The following AP3D1 variants were observed in gnomAD, a reference collection of about 807,000 sequenced individuals.
AP3D1 encodes the protein adaptor related protein complex 3 subunit delta 1, also known as AP-3 complex subunit delta-1.
AP3D1 carries 51 observed loss-of-function variants against 147.6 expected under a neutral mutation model. The observed-to-expected ratio is 0.35, with a 90% CI of 0.28 to 0.44. The LOEUF is 0.44. AP3D1 is among the 20% of genes least tolerant of loss of function. The pLI, the probability that AP3D1 is intolerant of heterozygous loss-of-function variation, is 1.00. For synonymous variants in AP3D1, 760 were observed against 663.0 expected, an observed-to-expected ratio of 1.15 and a Z score of -2.25; for missense variants, 1,421 against 1,624.2, an observed-to-expected ratio of 0.87 and a Z score of 2.15.
At chr19:2,147,712 G>T (rs1202011413) in intron 1 of AP3D1, among the ~76,000 whole-genome samples, 1 of 151,090 alleles carries the variant, frequency 6.6e-6, no homozygotes, top group African/African-American at 2.4e-5. Flanking sequence ...TGGCCAACAT[G>T]GGGAAACCCC....
At chr19:2,116,827 A>G in intron 16 of AP3D1, 81 bp from the exon 17 acceptor site, 1 of 1,468,808 alleles carries the variant, frequency 6.8e-7, no homozygotes, top group Non-Finnish European at 9.1e-7. Context: ...CAGGCTCACC[A>G]CGTGCCTGGC....
At chr19:2,137,874 C>G in intron 2 of AP3D1, 67 bp from the exon 3 acceptor site, 2 of 1,432,406 alleles carry the variant, frequency 1.4e-6, no homozygotes, top group Non-Finnish European at 2.0e-6. Context: ...TGAGCCGCGG[C>G]ATCAAGCGCT....
intron 11 of AP3D1, among the ~76,000 whole-genome samples, chr19:2,122,704 C>T (rs570407769): frequency 2.6e-5 from 4 of 152,332 alleles, no homozygotes; most frequent in East Asian, 1.9e-4. Context: ...TTGCAATACC[C>T]GACTGTGGGG....
At chr19:2,154,083 G>A (rs988957449), upstream of AP3D1, among the ~76,000 whole-genome samples, 1 of 151,882 alleles carries the variant, frequency 6.6e-6, no homozygotes, top group African/African-American at 2.4e-5. Flanking sequence ...GAGTAGCTGG[G>A]ATTACAGCTG....
upstream of AP3D1, among the ~76,000 whole-genome samples, chr19:2,153,779 A>G (rs1180171127): frequency 6.6e-6 from 1 of 152,088 alleles, no homozygotes; most frequent in African/African-American, 2.4e-5. Flanking sequence ...ATCGCTGGGT[A>G]ATAGAATATG....
At chr19:2,116,979 C>G in intron 16 of AP3D1, 1 of 800,812 alleles carries the variant, frequency 1.2e-6, no homozygotes, top group Non-Finnish European at 1.9e-6. Context: ...CAGGCTGCCT[C>G]AGAGCTTTAT....
chr19:2,108,828 G>T (rs761866778), intron 30 of AP3D1, 62 bp from the exon 31 acceptor site: 1 of 1,517,842 alleles, frequency 6.6e-7, no homozygotes, highest in East Asian at 2.5e-5. Flanking sequence ...CCCACCCCCA[G>T]AGCAGGGGCC....
chr19:2,162,692 AC>A (rs1342573307), intron 1 of AP3D1, among the ~76,000 whole-genome samples: 1 of 144,742 alleles, frequency 6.9e-6, no homozygotes, highest in Non-Finnish European at 1.5e-5. Flanking sequence ...CAAAAAAAAA[AC>A]CCCAAAAAAC....
rs202019263 is a variant in AP3D1 at position 2,129,057 on chromosome 19, G to A, written c.806+33C>T. ...CTCCGACACTGCACCCCGTGGAGCC[G>A]GCCCGCCCCCACCGCGCATGGCCTG... On this transcript the variant is annotated intron_variant, in intron 8 of 31. Coordinates refer to ENST00000643116, the MANE Select transcript of AP3D1 (RefSeq NM_001261826.3). The A allele has an allele frequency of 2.0e-4, 309 of 1,533,720 alleles. 12 individuals are homozygous for A. The African/African-American group carries it at 3.8e-3, about 19-fold the overall frequency.
At chr19:2,131,725 G>C (rs7255010) in intron 5 of AP3D1, among the ~76,000 whole-genome samples, 1 of 25,890 alleles carries the variant, frequency 3.9e-5, no homozygotes, top group African/African-American at 2.4e-4. Flanking sequence ...AGGCAGCCAC[G>C]CGGGGACCGC....
In AP3D1 at chr19:2,109,612, T is replaced by C. The variant is rs1306815312; in HGVS notation, c.3350+261A>G. ...AGGAGGAGCCTGCCCTGCTGGCTCC[T>C]TGGTCTCACCCCTCCAGCCTTCAGG... On this transcript the variant is annotated intron_variant, in intron 29 of 31. Coordinates refer to ENST00000643116, the MANE Select transcript of AP3D1 (RefSeq NM_001261826.3). 6 of 526,340 alleles carry C rather than the reference T, an allele frequency of 1.1e-5. No homozygotes were observed. In the East Asian group the frequency reaches 1.9e-4, roughly 16 times the overall value. The allele number at this position is 526,340 out of a possible 1,614,324, so 32.6% of individuals were successfully genotyped here. A position where few individuals can be genotyped will look rare whatever the true frequency, so the allele number is the denominator to read the frequency against.
chr19:2,126,757 A>G (rs969737879), intron 9 of AP3D1, among the ~76,000 whole-genome samples: 1 of 152,130 alleles, frequency 6.6e-6, no homozygotes, highest in Non-Finnish European at 1.5e-5. Flanking sequence ...GAGTGCTTTA[A>G]AGTCTCAGAA....
intron 4 of AP3D1, among the ~76,000 whole-genome samples, chr19:2,135,690 C>T (rs2019057660): frequency 6.6e-6 from 1 of 152,178 alleles, no homozygotes; most frequent in African/African-American, 2.4e-5. Flanking sequence ...CAGAGCCGCG[C>T]CCGACACACA....
chr19:2,118,458 C>T lies in AP3D1; in HGVS notation c.1713+143G>A, dbSNP rs993590395. 31 of 829,212 alleles carry T rather than the reference C, an allele frequency of 3.7e-5. No individual in the cohort carries two copies. The African/African-American group carries it at 4.8e-4, about 13-fold the overall frequency. 51.4% of individuals were successfully genotyped at this position (829,212 alleles called of 1,614,324 possible). A position where few individuals can be genotyped will look rare whatever the true frequency, so the allele number is the denominator to read the frequency against. On this transcript the variant is annotated intron_variant, in intron 15 of 31. Transcript: ENST00000643116. ...AGGTCCCACTGACTAACCCCAAACC[C>T]CAGCTGGCACAAGTGGCAACAAAAG...
chr19:2,152,515 C>A (rs1484931261), upstream of AP3D1, among the ~76,000 whole-genome samples: 1 of 143,778 alleles, frequency 7.0e-6, no homozygotes, highest in Non-Finnish European at 1.5e-5. Context: ...TGCACTCCAG[C>A]CTGGCAACAG....
rs368589132 is a variant in AP3D1 at position 2,109,696 on chromosome 19, C to T, written c.3350+177G>A. 372 of 628,560 alleles carry T rather than the reference C, an allele frequency of 5.9e-4. 6 individuals are homozygous for T. Among genetic ancestry groups the T allele is most frequent in the South Asian group, 5.6e-3 (309 of 54,988 alleles). The allele number at this position is 628,560 out of a possible 1,614,324, so 38.9% of individuals were successfully genotyped here. On this transcript the variant is annotated intron_variant, in intron 29 of 31. Coordinates refer to ENST00000643116, the MANE Select transcript of AP3D1 (RefSeq NM_001261826.3). ...TGCCTGGCCTGTGGCTTCAACTACA[C>T]GGCCCCGGCTGGCGCAGACACCAGG... is the stretch of plus-strand genomic sequence containing the variant.
At chr19:2,131,412 C>T (rs1033053339) in intron 5 of AP3D1, among the ~76,000 whole-genome samples, 5 of 150,756 alleles carry the variant, frequency 3.3e-5, no homozygotes, top group African/African-American at 1.2e-4. Context: ...CAGCGCCCAT[C>T]GGCCACGATC....
rs2018487590 is a variant in AP3D1 at position 2,117,381 on chromosome 19, A to G, written c.1714-14T>C. On this transcript the variant is annotated splice_polypyrimidine_tract_variant and intron_variant, in intron 15 of 31. Coordinates refer to ENST00000643116, the MANE Select transcript of AP3D1 (RefSeq NM_001261826.3). The stretch of plus-strand genomic sequence containing the variant: ...GATGCAGGACGCCTGTGGGGGACAC[A>G]GGGGTCACTGCTGGCACCTGCCCGG... 1.3e-6 allele frequency: 2 copies of G among 1,581,410 alleles called. No individual in the cohort carries two copies. The highest frequency in any genetic ancestry group is 8.6e-7 in the Non-Finnish European group (1 of 1,165,220).
chr19:2,112,185 G>A (rs938037484), intron 24 of AP3D1: 10 of 295,668 alleles, frequency 3.4e-5, no homozygotes, highest in Admixed American at 1.4e-4. Flanking sequence ...CTGCGCAGAT[G>A]TTCAAAGCGG....
Sources: allele counts gnomAD v4.1 joint callset (sites outside exome capture counted in the v4.1 genomes callset), GRCh38; gene constraint gnomAD v4.1.1; transcripts MANE v1.5; gene names NCBI Gene and HGNC (gene_info 2026-07-23, HGNC 2026-07-21).